The following PMS1 variants were observed in gnomAD, a reference collection of about 807,000 sequenced individuals.
PMS1 encodes the protein PMS1 homolog 1, mismatch repair system component, also known as PMS1 protein homolog 1.
Under a neutral mutation model 93.1 loss-of-function variants are expected in PMS1, and 79 were observed. The observed-to-expected ratio is 0.85, with a 90% CI of 0.71 to 1.02. The LOEUF is 1.02. PMS1 is among the 50% of genes least tolerant of loss of function. The pLI is 0.00. For missense variants in PMS1, 1,064 were observed against 1,085.3 expected (o/e 0.98, Z 0.28); for synonymous variants, 335 against 363.4 (o/e 0.92, Z 0.89).
rs1403127604 is a variant in PMS1, at chr2:189,873,501, T to G, written c.2479T>G (p.Ser827Ala). 6.3e-7 allele frequency: 1 copy of G among 1,588,682 alleles called. No homozygotes were observed. The highest frequency in any genetic ancestry group is 8.6e-7 in the Non-Finnish European group (1 of 1,157,348). ...GFKIKLIPGV[S>A]ITENYLEIEG... ...TTTTATTTTTTTTCTTTCAGGAGTT[T>G]CAATTACTGAAAATTACTTGGAAAT... Residue 827 changes from serine to alanine, a missense_variant, in exon 12 of 13, where the codon TCA becomes GCA. By Grantham distance (99) the Ser-to-Ala change is moderately conservative. Coordinates refer to ENST00000441310, the MANE Select transcript of PMS1 (RefSeq NM_000534.5).
chr2:189,831,255 G>A (rs964047021), intron 5 of PMS1, among the ~76,000 whole-genome samples: 1 of 152,172 alleles, frequency 6.6e-6, no homozygotes, highest in Non-Finnish European at 1.5e-5. Flanking sequence ...GAGAAAATTG[G>A]AAGGCATTAA....
intron 5 of PMS1, among the ~76,000 whole-genome samples, chr2:189,838,763 C>T (rs977251223): frequency 2.6e-5 from 4 of 151,946 alleles, no homozygotes; most frequent in African/African-American, 4.8e-5. Context: ...AAAAAGCAAA[C>T]GAAAAAAACC....
intron 5 of PMS1, among the ~76,000 whole-genome samples, chr2:189,821,452 G>C (rs1265559000): frequency 8.5e-6 from 1 of 117,676 alleles, no homozygotes; most frequent in Non-Finnish European, 1.7e-5. Context: ...GGGAGACTCC[G>C]TCTCAAAAAA....
chr2:189,816,533 CTTA>C (rs542442918), intron 4 of PMS1, among the ~76,000 whole-genome samples: 94 of 152,182 alleles, frequency 6.2e-4, no homozygotes, highest in African/African-American at 2.2e-3. Flanking sequence ...AATATTTCTC[CTTA>C]TAATGAAGTA....
rs77015293 is a variant in PMS1, at chr2:189,833,028, C to T, written c.583-10936C>T. Among the ~76,000 whole-genome samples, 1,200 of 152,268 alleles carry T rather than the reference C, an allele frequency of 7.9e-3. 14 individuals are homozygous for T. Among genetic ancestry groups the T allele is most frequent in the African/African-American group, 0.027 (1,119 of 41,560 alleles). On this transcript the variant is annotated intron_variant, in intron 5 of 12. Transcript: ENST00000441310. Reference sequence around the variant, plus strand: ...TTGTTCTTGAAAACAGAATGTTACACATTTTAATGTGGTAAGTGGGCCAAG... The same window carrying T: ...TTGTTCTTGAAAACAGAATGTTACATATTTTAATGTGGTAAGTGGGCCAAG...
At chr2:189,825,056 A>G (rs1423077534) in intron 5 of PMS1, among the ~76,000 whole-genome samples, 3 of 152,166 alleles carry the variant, frequency 2.0e-5, no homozygotes, top group Non-Finnish European at 2.9e-5. Context: ...ACAAACAATC[A>G]TATTGCGCAT....
chr2:189,790,380 A>G (rs1332813808), intron 1 of PMS1, among the ~76,000 whole-genome samples: 1 of 152,182 alleles, frequency 6.6e-6, no homozygotes, highest in Non-Finnish European at 1.5e-5. Context: ...TGTTCTTATC[A>G]TTATTCAGTT....
Position 189,867,810 on chromosome 2 carries a change from G to T in PMS1, c.2354G>T (p.Gly785Val). 1.3e-6 allele frequency: 2 copies of T among 1,571,848 alleles called. No individual in the cohort carries two copies. Among genetic ancestry groups the T allele is most frequent in the Non-Finnish European group, 1.8e-6 (2 of 1,141,862 alleles). Reference sequence around the variant, plus strand: ...AATTTCTTTTTCAGTCTTTTTAATGGATCTCATTATTTAGACGTTTTATAT... The same window carrying T: ...AATTTCTTTTTCAGTCTTTTTAATGTATCTCATTATTTAGACGTTTTATAT... ...PIMLTESLFN[G>V]SHYLDVLYKM... Residue 785 changes from glycine (G) to valine (V), a missense_variant, in exon 11 of 13, where the codon GGA (glycine) becomes GTA (valine). Gly to Val is a moderately radical substitution (Grantham distance 109). Coordinates refer to ENST00000441310, the MANE Select transcript of PMS1 (RefSeq NM_000534.5).
At chr2:189,866,939 A>G (rs1255425395) in intron 10 of PMS1, among the ~76,000 whole-genome samples, 9 of 152,222 alleles carry the variant, frequency 5.9e-5, no homozygotes, top group African/African-American at 1.9e-4. Flanking sequence ...GATATTGGTT[A>G]GATGAAACAG....
In PMS1 at chr2:189,791,906, T is replaced by TTG. The variant is rs1177278769; in HGVS notation, c.98_99dup (p.Asp34TrpfsTer8). 1.9e-6 allele frequency: 3 copies of TTG among 1,613,944 alleles called. No individual in the cohort carries two copies. The highest frequency in any genetic ancestry group is 8.5e-7 in the Non-Finnish European group (1 of 1,179,920). ...TGTAAAAGAGCTTATTGAAAACTCC[T>TTG]TGGATGCTGGTGCCACAAGCGTAGA... On this transcript the variant is annotated frameshift_variant, in exon 2 of 13. Transcript: ENST00000441310. LOFTEE classifies it high-confidence loss of function.
chr2:189,842,890 A>T (rs1208432432), intron 5 of PMS1, among the ~76,000 whole-genome samples: 1 of 151,842 alleles, frequency 6.6e-6, no homozygotes, highest in Non-Finnish European at 1.5e-5. Flanking sequence ...CAAGGGGGGA[A>T]ATTACTATCA....
At chr2:189,785,211 A>G (rs1368295133) in intron 1 of PMS1, 3 of 152,194 alleles carry the variant, frequency 2.0e-5, no homozygotes, top group South Asian at 2.1e-4. Flanking sequence ...TTGGCTGTGT[A>G]TGTCTGTATC....
chr2:189,825,585 T>G (rs2052361696), intron 5 of PMS1, among the ~76,000 whole-genome samples: 1 of 152,218 alleles, frequency 6.6e-6, no homozygotes, highest in Non-Finnish European at 1.5e-5. Flanking sequence ...CTATATACAT[T>G]ATAATTGCTG....
intron 3 of PMS1, among the ~76,000 whole-genome samples, chr2:189,802,272 AC>A (rs1339780140): frequency 6.6e-6 from 1 of 152,170 alleles, no homozygotes; most frequent in Non-Finnish European, 1.5e-5. Context: ...ACTACTGTTG[AC>A]CGGCCTCCTG....
At chr2:189,849,495 A>C (rs186050946) in intron 6 of PMS1, among the ~76,000 whole-genome samples, 13 of 152,236 alleles carry the variant, frequency 8.5e-5, no homozygotes, top group South Asian at 6.2e-4. Flanking sequence ...TATACTAATA[A>C]TTTCAAAGTC....
intron 12 of PMS1, among the ~76,000 whole-genome samples, chr2:189,874,941 T>C (rs1310242174): frequency 1.3e-5 from 2 of 151,878 alleles, no homozygotes; most frequent in African/African-American, 4.8e-5. Context: ...TAAAGTAAAT[T>C]GGGACTGGTT....
At chr2:189,791,585 C>A (rs1338027075) in intron 1 of PMS1, 1 of 443,450 alleles carries the variant, frequency 2.3e-6, no homozygotes, top group East Asian at 4.6e-5. Flanking sequence ...CCACTGCACT[C>A]CAGCCTGGGT....
intron 5 of PMS1, among the ~76,000 whole-genome samples, chr2:189,836,443 G>A (rs980538640): frequency 7.2e-5 from 11 of 152,098 alleles, no homozygotes; most frequent in African/African-American, 1.9e-4. Context: ...TTAAGCTTTC[G>A]GCCTAAGGGC....
At chr2:189,864,712 A>C (rs2056478710) in intron 10 of PMS1, among the ~76,000 whole-genome samples, 2 of 80,052 alleles carry the variant, frequency 2.5e-5, no homozygotes, top group Non-Finnish European at 4.8e-5. Context: ...ATATATATAT[A>C]TATATATATA....
Sources: allele counts gnomAD v4.1 joint callset (sites outside exome capture counted in the v4.1 genomes callset), GRCh38; gene constraint gnomAD v4.1.1; transcripts MANE v1.5; gene names NCBI Gene and HGNC (gene_info 2026-07-23, HGNC 2026-07-21).